The following KCNMB2 variants were observed in gnomAD, a reference collection of about 807,000 sequenced individuals.
KCNMB2 encodes calcium-activated potassium channel subunit beta-2.
In KCNMB2, 9 loss-of-function variants were observed where a neutral mutation model predicts 24.5. That is an observed-to-expected ratio of 0.37 (90% CI 0.22 to 0.64). The LOEUF is 0.64. Ranked by LOEUF, KCNMB2 falls within the 30% of genes least tolerant of loss-of-function variation. KCNMB2 has a pLI of 0.63. For synonymous variants in KCNMB2, 109 were observed against 104.4 expected (o/e 1.04, Z -0.27); for missense variants, 226 against 284.3 (o/e 0.79, Z 1.47).
chr3:178,650,360 C>T (rs553283102), intron 1 of KCNMB2, among the ~76,000 whole-genome samples: 22 of 151,906 alleles, frequency 1.4e-4, no homozygotes, highest in Non-Finnish European at 2.2e-4. Flanking sequence ...CTATTAGGTC[C>T]GCTTGATCCT....
At chr3:178,780,956 G>A (rs1281379082) in intron 1 of KCNMB2, among the ~76,000 whole-genome samples, 1 of 152,154 alleles carries the variant, frequency 6.6e-6, no homozygotes, top group Non-Finnish European at 1.5e-5. Flanking sequence ...CTAGCCACAG[G>A]TGACTACTGA....
intron 1 of KCNMB2, among the ~76,000 whole-genome samples, chr3:178,792,553 A>T (rs1271255791): frequency 1.3e-5 from 2 of 152,236 alleles, no homozygotes; most frequent in African/African-American, 4.8e-5. Context: ...AAATTGCAGG[A>T]GTACATCTTT....
intron 1 of KCNMB2, among the ~76,000 whole-genome samples, chr3:178,695,845 G>A (rs1305440901): frequency 6.6e-6 from 1 of 152,100 alleles, no homozygotes; most frequent in Non-Finnish European, 1.5e-5. Context: ...ATCTTCTTCT[G>A]AGCCTTCCAA....
chr3:178,765,046 G>T (rs1350986022), intron 1 of KCNMB2, among the ~76,000 whole-genome samples: 1 of 152,168 alleles, frequency 6.6e-6, no homozygotes, highest in African/African-American at 2.4e-5. Flanking sequence ...AATGAATAAC[G>T]TAGTATGGGA....
intron 1 of KCNMB2, among the ~76,000 whole-genome samples, chr3:178,555,426 T>A (rs1057186406): frequency 6.6e-6 from 1 of 152,240 alleles, no homozygotes; most frequent in African/African-American, 2.4e-5. Flanking sequence ...TTACTTAATG[T>A]TTTGAGCATC....
intron 1 of KCNMB2, among the ~76,000 whole-genome samples, chr3:178,640,967 T>C (rs1044893331): frequency 6.6e-6 from 1 of 152,232 alleles, no homozygotes; most frequent in Non-Finnish European, 1.5e-5. Flanking sequence ...TTTCCTCCAT[T>C]GAATTGTCTG....
chr3:178,691,683 G>C (rs753339322), intron 1 of KCNMB2, among the ~76,000 whole-genome samples: 1 of 152,162 alleles, frequency 6.6e-6, no homozygotes, highest in African/African-American at 2.4e-5. Context: ...TTGATTCCAT[G>C]TCTCTGCTAT....
intron 1 of KCNMB2, among the ~76,000 whole-genome samples, chr3:178,598,490 T>C (rs1268048662): frequency 6.6e-6 from 1 of 152,132 alleles, no homozygotes; most frequent in East Asian, 1.9e-4. Flanking sequence ...TTCACATCAA[T>C]AATGAACCAA....
intron 2 of KCNMB2, among the ~76,000 whole-genome samples, chr3:178,818,165 C>T (rs547800828): frequency 1.3e-4 from 20 of 152,270 alleles, no homozygotes; most frequent in African/African-American, 4.1e-4. Flanking sequence ...TTAGTGGCCA[C>T]GCTGTCTTTT....
At chr3:178,696,138 C>T (rs531215363) in intron 1 of KCNMB2, among the ~76,000 whole-genome samples, 2 of 152,144 alleles carry the variant, frequency 1.3e-5, no homozygotes, top group Non-Finnish European at 2.9e-5. Context: ...AATGAGTCCC[C>T]AGTGAAAGGG....
At chr3:178,742,323 C>A (rs75726336) in intron 1 of KCNMB2, among the ~76,000 whole-genome samples, 7 of 152,292 alleles carry the variant, frequency 4.6e-5, no homozygotes, top group Admixed American at 1.3e-4. Flanking sequence ...CACCTGCACA[C>A]CTATGTCTTT....
At chr3:178,814,724 G>A (rs1714336385) in intron 2 of KCNMB2, among the ~76,000 whole-genome samples, 3 of 152,280 alleles carry the variant, frequency 2.0e-5, no homozygotes, top group Admixed American at 1.3e-4. Flanking sequence ...GATTAGTAAT[G>A]TTGAGTACTT....
intron 1 of KCNMB2, among the ~76,000 whole-genome samples, chr3:178,568,797 AGATAGATAGATAGATAGAT>A (rs780938674): frequency 0.1 from 11,392 of 112,156 alleles, 592 homozygotes; most frequent in Middle Eastern, 0.2. Flanking sequence ...ATAGATAGAT[AGATAGATAGATAGATAGAT>A]AATAGATAGA....
In KCNMB2 at chr3:178,577,323, AC is replaced by A. The variant is rs376778739; in HGVS notation, c.-68+40613del. 2.0e-4 allele frequency among the ~76,000 whole-genome samples: 31 copies of A among 152,334 alleles called. No homozygotes were observed. In the East Asian group the frequency reaches 5.6e-3, roughly 28 times the overall value. ...TAACAAACAGAAAGGAATAGCATCA[AC>A]ATCAACAAAAAGGACATCCACACCA... On this transcript the variant is annotated intron_variant, in intron 1 of 4. Transcript: ENST00000452583.
chr3:178,767,421 G>T (rs1712168110), intron 1 of KCNMB2, among the ~76,000 whole-genome samples: 1 of 152,192 alleles, frequency 6.6e-6, no homozygotes, highest in Admixed American at 6.5e-5. Flanking sequence ...TTCAGGAATG[G>T]GAGGGAGAAG....
chr3:178,770,646 A>C (rs1385302018), intron 1 of KCNMB2, among the ~76,000 whole-genome samples: 1 of 152,242 alleles, frequency 6.6e-6, no homozygotes, highest in Non-Finnish European at 1.5e-5. Flanking sequence ...TTCAACAGTT[A>C]AAATCAAAAA....
intron 1 of KCNMB2, among the ~76,000 whole-genome samples, chr3:178,639,473 G>A (rs115598193): frequency 3.3e-5 from 5 of 152,124 alleles, no homozygotes; most frequent in East Asian, 1.9e-4. Flanking sequence ...TTGTGTTATC[G>A]TGAGCAAAGT....
chr3:178,541,043 T>C (rs1287069009), intron 1 of KCNMB2, among the ~76,000 whole-genome samples: 1 of 152,202 alleles, frequency 6.6e-6, no homozygotes, highest in Non-Finnish European at 1.5e-5. Flanking sequence ...TAGCATTAGA[T>C]TCCAAGTATA....
chr3:178,712,299 G>A (rs931407644), intron 1 of KCNMB2, among the ~76,000 whole-genome samples: 1 of 152,164 alleles, frequency 6.6e-6, no homozygotes, highest in African/African-American at 2.4e-5. Flanking sequence ...AAATTTACCT[G>A]TTATTTTGGA....
Sources: gnomAD v4.1 joint callset for allele counts (sites outside exome capture counted in the v4.1 genomes callset) on GRCh38, gnomAD v4.1.1 for gene constraint, MANE v1.5 for transcripts, NCBI Gene and HGNC (gene_info 2026-07-23, HGNC 2026-07-21) for gene names.